DISP1: variants seen among roughly 807,000 people sequenced by gnomAD.
DISP1 encodes the protein dispatched RND transporter family member 1.
In DISP1, 30 loss-of-function variants were observed where a neutral mutation model predicts 37.3. The observed-to-expected ratio is 0.80, with a 90% CI of 0.60 to 1.09. The LOEUF (loss-of-function observed/expected upper bound fraction) is 1.09. Ranked by LOEUF, DISP1 falls within the 50% of genes least tolerant of loss-of-function variation. The probability of loss-of-function intolerance (pLI) is 0.00; values close to 1 mark genes in which losing one functional copy is unlikely to be tolerated. For missense variants in DISP1, 1,598 were observed against 1,879.5 expected, an observed-to-expected ratio of 0.85 and a Z score of 2.77; for synonymous variants, 634 against 690.2, an observed-to-expected ratio of 0.92 and a Z score of 1.28.
intron 1 of DISP1, among the ~76,000 whole-genome samples, chr1:222,886,275 C>A (rs1323150301): frequency 6.6e-6 from 1 of 152,136 alleles, no homozygotes; most frequent in Non-Finnish European, 1.5e-5. Context: ...GCAACAGAAG[C>A]AACGCTTTGA....
intron 2 of DISP1, among the ~76,000 whole-genome samples, chr1:222,933,058 A>T (rs181742562): frequency 1.4e-3 from 215 of 152,106 alleles, no homozygotes; most frequent in African/African-American, 4.8e-3. Context: ...TCACCTCTAC[A>T]TATGAAAATT....
intron 8 of DISP1, among the ~76,000 whole-genome samples, chr1:222,999,199 G>A (rs1299358012): frequency 6.6e-6 from 1 of 152,114 alleles, no homozygotes; most frequent in African/African-American, 2.4e-5. Context: ...GCCAAGAGAT[G>A]TTATAACCAC....
At chr1:222,935,095 G>A (rs1430486706) in intron 2 of DISP1, among the ~76,000 whole-genome samples, 1 of 152,164 alleles carries the variant, frequency 6.6e-6, no homozygotes, top group East Asian at 1.9e-4. Context: ...ATGTGTTCTA[G>A]GTATCAGCAG....
intron 3 of DISP1, among the ~76,000 whole-genome samples, chr1:222,959,517 A>G (rs1675866802): frequency 6.6e-6 from 1 of 152,084 alleles, no homozygotes; most frequent in Admixed American, 6.6e-5. Context: ...CCTGACCAAC[A>G]TGGAGAAACC....
chr1:222,981,817 G>C (rs1677858773), intron 3 of DISP1, among the ~76,000 whole-genome samples: 1 of 152,090 alleles, frequency 6.6e-6, no homozygotes, highest in Admixed American at 6.5e-5. Flanking sequence ...TTCATTTTAA[G>C]AAAGAGTATG....
Position 222,983,126 on chromosome 1 carries a change from C to A in DISP1, c.539+17C>A. ...GCCAAAAAGGTAAAGTAATCTGGGT[C>A]ATCTTATTAAATAATAAACTTACCT... On this transcript the variant is annotated intron_variant, in intron 4 of 8. Transcript: ENST00000675850. The A allele has an allele frequency of 6.3e-7, 1 of 1,584,864 alleles. No individual in the cohort carries two copies. Among genetic ancestry groups the A allele is most frequent in the Non-Finnish European group, 8.7e-7 (1 of 1,154,970 alleles).
At chr1:222,836,618 A>G (rs984278581) in intron 1 of DISP1, among the ~76,000 whole-genome samples, 2 of 152,086 alleles carry the variant, frequency 1.3e-5, no homozygotes, top group Non-Finnish European at 2.9e-5. Flanking sequence ...AAAATGAGAC[A>G]GTTAGAATTA....
At chr1:222,876,453 T>A in intron 1 of DISP1, among the ~76,000 whole-genome samples, 1 of 152,202 alleles carries the variant, frequency 6.6e-6, no homozygotes, top group Non-Finnish European at 1.5e-5. Flanking sequence ...TTCCTACATA[T>A]GTACAAGGAG....
chr1:222,984,467 A>T (rs968429038), intron 4 of DISP1, among the ~76,000 whole-genome samples: 2 of 143,976 alleles, frequency 1.4e-5, no homozygotes, highest in African/African-American at 5.2e-5. Context: ...GAGCGTACTC[A>T]TATATGTTAT....
At chr1:222,989,796 GT>G (rs1315483037) in intron 4 of DISP1, among the ~76,000 whole-genome samples, 1 of 83,808 alleles carries the variant, frequency 1.2e-5, no homozygotes, top group East Asian at 3.9e-4. Context: ...TATGGGAAGT[GT>G]TTAGTTTAGT....
intron 2 of DISP1, among the ~76,000 whole-genome samples, chr1:222,939,543 C>T (rs971674909): frequency 1.3e-5 from 2 of 151,898 alleles, no homozygotes; most frequent in Non-Finnish European, 2.9e-5. Flanking sequence ...AATACCTGGG[C>T]TGGGCACAGT....
intron 8 of DISP1, among the ~76,000 whole-genome samples, chr1:223,000,252 C>G (rs1263628338): frequency 1.3e-5 from 2 of 152,178 alleles, no homozygotes; most frequent in African/African-American, 4.8e-5. Flanking sequence ...TCATTCAGTT[C>G]ATCAAGCTGA....
At chr1:222,946,418 T>C (rs2125502680) in intron 3 of DISP1, among the ~76,000 whole-genome samples, 1 of 151,804 alleles carries the variant, frequency 6.6e-6, no homozygotes. Context: ...TTGAGCCTTT[T>C]GGTTATCTGT....
chr1:222,879,393 A>C (rs1169785816), intron 1 of DISP1, among the ~76,000 whole-genome samples: 1 of 152,120 alleles, frequency 6.6e-6, no homozygotes, highest in Non-Finnish European at 1.5e-5. Context: ...GGTGTGAAGG[A>C]GGTGGTAATG....
chr1:222,995,891 T>C (rs1446179870), intron 8 of DISP1, among the ~76,000 whole-genome samples: 1 of 152,174 alleles, frequency 6.6e-6, no homozygotes, highest in Non-Finnish European at 1.5e-5. Flanking sequence ...CTTAATGAAA[T>C]AGGCAGTAGA....
At position 222,983,193 on chromosome 1, in the gene DISP1, T is replaced by C. The variant is rs1432033825; in HGVS notation, c.539+84T>C. On this transcript the variant is annotated intron_variant, in intron 4 of 8. Coordinates refer to ENST00000675850, the MANE Select transcript of DISP1 (RefSeq NM_001377229.1). ...CTAGTATTTTCTCCGTATTTTGCTG[T>C]TCTTTTCACTTTCCTCATTCATATT... 15 of 1,050,680 alleles carry C rather than the reference T, an allele frequency of 1.4e-5. No individual in the cohort carries two copies. The East Asian group carries it at 3.5e-4, about 25-fold the overall frequency. The allele number at this position is 1,050,680 out of a possible 1,614,324, so 65.1% of individuals were successfully genotyped here. A position where few individuals can be genotyped will look rare whatever the true frequency, so the allele number is the denominator to read the frequency against.
intron 1 of DISP1, among the ~76,000 whole-genome samples, chr1:222,905,600 T>TA (rs1671850207): frequency 6.6e-6 from 1 of 151,076 alleles, no homozygotes; most frequent in African/African-American, 2.4e-5. Context: ...TTTCATTGCA[T>TA]ATAATGCCTA....
At chr1:222,913,237 T>C (rs2125426152) in intron 1 of DISP1, among the ~76,000 whole-genome samples, 1 of 152,272 alleles carries the variant, frequency 6.6e-6, no homozygotes, top group East Asian at 1.9e-4. Flanking sequence ...AGAAGTGAAA[T>C]ATAATATTAA....
chr1:222,865,665 A>G (rs147043160), intron 1 of DISP1, among the ~76,000 whole-genome samples: 1,537 of 152,322 alleles, frequency 0.01, 21 homozygotes, highest in African/African-American at 0.035. Flanking sequence ...AATTGTTTAA[A>G]AAGTTCTTTT....
Sources: allele counts gnomAD v4.1 joint callset (sites outside exome capture counted in the v4.1 genomes callset), GRCh38; gene constraint gnomAD v4.1.1; transcripts MANE v1.5; gene names NCBI Gene and HGNC (gene_info 2026-07-23, HGNC 2026-07-21).